EEFSEC: variants seen among roughly 807,000 people sequenced by gnomAD.
EEFSEC encodes eukaryotic elongation factor, selenocysteine-tRNA specific.
Under a neutral mutation model 42.1 loss-of-function variants are expected in EEFSEC, and 43 were observed. The ratio of observed to expected loss-of-function variants is 1.02; its 90% CI spans 0.80 to 1.32. The LOEUF is 1.32. Ranked by LOEUF, EEFSEC falls within the 40% of genes most tolerant of loss-of-function variation. EEFSEC has a pLI of 0.00. For synonymous variants in EEFSEC, 354 were observed against 339.1 expected, an observed-to-expected ratio of 1.04 and a Z score of -0.48; for missense variants, 745 against 803.6, an observed-to-expected ratio of 0.93 and a Z score of 0.88.
intron 1 of EEFSEC, 110 bp from the exon 2 acceptor site, chr3:128,246,726 A>T: frequency 1.8e-6 from 2 of 1,139,504 alleles, no homozygotes; most frequent in Non-Finnish European, 2.6e-6. Context: ...GTCACCATTT[A>T]TTCCACTTTG....
At chr3:128,265,155 C>A (rs2066340951) in intron 4 of EEFSEC, among the ~76,000 whole-genome samples, 1 of 152,200 alleles carries the variant, frequency 6.6e-6, no homozygotes, top group African/African-American at 2.4e-5. Flanking sequence ...TTTCTGGACG[C>A]TGTACGTCAG....
intron 2 of EEFSEC, among the ~76,000 whole-genome samples, chr3:128,261,287 A>G (rs2066294124): frequency 6.6e-6 from 1 of 152,000 alleles, no homozygotes; most frequent in Admixed American, 6.6e-5. Flanking sequence ...GATGGCAACA[A>G]CTCCATCATG....
intron 1 of EEFSEC, among the ~76,000 whole-genome samples, chr3:128,221,621 C>CAGTT (rs756809467): frequency 2.5e-4 from 38 of 152,302 alleles, no homozygotes; most frequent in South Asian, 1.2e-3. Context: ...GGTGCCTTTA[C>CAGTT]AGTTGCACAC....
chr3:128,203,569 A>G (rs1447695481), intron 1 of EEFSEC, among the ~76,000 whole-genome samples: 4 of 152,228 alleles, frequency 2.6e-5, no homozygotes, highest in African/African-American at 4.8e-5. Context: ...GGAGGTCTGT[A>G]GGAAGTAAAT....
At chr3:128,401,161 G>A (rs923735802) in intron 6 of EEFSEC, among the ~76,000 whole-genome samples, 35 of 152,182 alleles carry the variant, frequency 2.3e-4, no homozygotes, top group Non-Finnish European at 5.9e-5. Flanking sequence ...AGAGGGACCA[G>A]GGGGCCAGGT....
intron 4 of EEFSEC, among the ~76,000 whole-genome samples, chr3:128,334,113 G>A (rs2067163927): frequency 6.6e-6 from 1 of 152,330 alleles, no homozygotes; most frequent in Admixed American, 6.5e-5. Context: ...CTGCTGGCAT[G>A]AGCTTCCAGG....
intron 1 of EEFSEC, among the ~76,000 whole-genome samples, chr3:128,157,446 T>A (rs1292398243): frequency 6.6e-6 from 1 of 152,246 alleles, no homozygotes; most frequent in East Asian, 1.9e-4. Context: ...AGATGCTATG[T>A]AGGACTTTCA....
chr3:128,316,740 G>A (rs1465114125), intron 4 of EEFSEC, among the ~76,000 whole-genome samples: 2 of 152,158 alleles, frequency 1.3e-5, no homozygotes, highest in Non-Finnish European at 2.9e-5. Context: ...CGCCCAGCTC[G>A]GTGCCGCCAG....
At chr3:128,169,169 T>G (rs1475213343) in intron 1 of EEFSEC, among the ~76,000 whole-genome samples, 2 of 152,162 alleles carry the variant, frequency 1.3e-5, no homozygotes, top group Non-Finnish European at 2.9e-5. Context: ...GGGCATCTAC[T>G]TTAGTTTGGA....
intron 1 of EEFSEC, among the ~76,000 whole-genome samples, chr3:128,189,579 A>C: frequency 7.7e-6 from 1 of 130,256 alleles, no homozygotes; most frequent in Non-Finnish European, 1.6e-5. Flanking sequence ...TTTTTTTCCG[A>C]GCCAGGGTCT....
chr3:128,249,744 T>C (rs2066165039), intron 2 of EEFSEC, among the ~76,000 whole-genome samples: 1 of 152,250 alleles, frequency 6.6e-6, no homozygotes, highest in Non-Finnish European at 1.5e-5. Context: ...GGTCCATCCT[T>C]ATTGTAACAT....
intron 4 of EEFSEC, among the ~76,000 whole-genome samples, chr3:128,315,507 G>T (rs564123501): frequency 1.3e-5 from 2 of 152,332 alleles, no homozygotes; most frequent in African/African-American, 4.8e-5. Context: ...ATTGAGCAGA[G>T]CCTGTGCCCG....
chr3:128,267,846 G>C (rs894529417), intron 4 of EEFSEC, among the ~76,000 whole-genome samples: 1 of 152,196 alleles, frequency 6.6e-6, no homozygotes, highest in African/African-American at 2.4e-5. Context: ...CTTGGCTAAT[G>C]GCATGGACCC....
At chr3:128,360,616 G>A (rs560739681) in intron 6 of EEFSEC, among the ~76,000 whole-genome samples, 4 of 152,130 alleles carry the variant, frequency 2.6e-5, no homozygotes, top group African/African-American at 9.6e-5. Flanking sequence ...GAGGAGTCTT[G>A]GTTGGGCTGC....
At chr3:128,366,654 T>A (rs896367423) in intron 6 of EEFSEC, among the ~76,000 whole-genome samples, 3 of 152,192 alleles carry the variant, frequency 2.0e-5, no homozygotes, top group Non-Finnish European at 4.4e-5. Flanking sequence ...GACTCTTGTG[T>A]GTGGAAAGTA....
chr3:128,359,040 A>C (rs891082839), intron 6 of EEFSEC, among the ~76,000 whole-genome samples: 1 of 152,192 alleles, frequency 6.6e-6, no homozygotes, highest in African/African-American at 2.4e-5. Context: ...ACAAACAATA[A>C]ACATACTAAA....
At chr3:128,318,103 G>T (rs1038154442) in intron 4 of EEFSEC, among the ~76,000 whole-genome samples, 5 of 152,244 alleles carry the variant, frequency 3.3e-5, no homozygotes, top group South Asian at 2.1e-4. Context: ...AGTGGGGAGA[G>T]CCAGGCCGTC....
At chr3:128,318,080 G>A (rs571014672) in intron 4 of EEFSEC, among the ~76,000 whole-genome samples, 1 of 152,342 alleles carries the variant, frequency 6.6e-6, no homozygotes, top group South Asian at 2.1e-4. Flanking sequence ...GTGGACAGGA[G>A]CCCATCTGGC....
intron 1 of EEFSEC, among the ~76,000 whole-genome samples, chr3:128,172,360 C>G (rs2065307544): frequency 6.6e-6 from 1 of 152,218 alleles, no homozygotes; most frequent in South Asian, 2.1e-4. Context: ...CCTCTCTGAG[C>G]CTGTCTGTGC....
Sources: allele counts gnomAD v4.1 joint callset (sites outside exome capture counted in the v4.1 genomes callset), GRCh38; gene constraint gnomAD v4.1.1; transcripts MANE v1.5; gene names NCBI Gene and HGNC (gene_info 2026-07-23, HGNC 2026-07-21).